COA1: variants seen among roughly 807,000 people sequenced by gnomAD.
COA1 encodes the protein cytochrome c oxidase assembly factor 1 homolog.
Under a neutral mutation model 16.0 loss-of-function variants are expected in COA1, and 13 were observed. That is an observed-to-expected ratio of 0.81 (90% confidence interval 0.53 to 1.29). COA1 has a LOEUF of 1.29. Ranked by LOEUF, COA1 falls within the 50% of genes most tolerant of loss-of-function variation. The pLI, the probability that COA1 is intolerant of heterozygous loss-of-function variation, is 0.00. For missense variants in COA1, 179 were observed against 177.0 expected, an observed-to-expected ratio of 1.01 and a Z score of -0.06; for synonymous variants, 65 against 65.7, an observed-to-expected ratio of 0.99 and a Z score of 0.05.
intron 1 of COA1, among the ~76,000 whole-genome samples, chr7:43,669,773 A>T (rs945647955): frequency 0.04 from 306 of 7,560 alleles, 5 homozygotes; most frequent in South Asian, 0.34. Flanking sequence ...AAAAAAATTA[A>T]AAAAAAAAAA....
At position 43,642,549 on chromosome 7, in the gene COA1, C is replaced by T. The variant is rs191870441; in HGVS notation, c.265-1900G>A. 2.6e-5 allele frequency among the ~76,000 whole-genome samples: 4 copies of T among 152,272 alleles called. No individual in the cohort carries two copies. In the East Asian group the frequency reaches 7.7e-4, roughly 29 times the overall value. On this transcript the variant is annotated intron_variant, in intron 4 of 5. Transcript: ENST00000223336. ...TTATAGAATTAAGCAACAGAGTATA[C>T]ACTGAGCATCTCTGGATGCTTTAAA...
chr7:43,712,662 G>A (rs1284948292), intron 1 of COA1, among the ~76,000 whole-genome samples: 2 of 152,084 alleles, frequency 1.3e-5, no homozygotes, highest in African/African-American at 2.4e-5. Flanking sequence ...ACTGTTGGTC[G>A]TTTTCTTGAA....
At chr7:43,677,598 A>C (rs1316168780) in intron 1 of COA1, among the ~76,000 whole-genome samples, 1 of 152,128 alleles carries the variant, frequency 6.6e-6, no homozygotes, top group East Asian at 1.9e-4. Context: ...CAGGAGTTCG[A>C]AATCAGCCTG....
At chr7:43,678,551 T>G (rs1294699614) in intron 1 of COA1, among the ~76,000 whole-genome samples, 1 of 152,142 alleles carries the variant, frequency 6.6e-6, no homozygotes, top group African/African-American at 2.4e-5. Context: ...GAAAAAATAT[T>G]TGCAACTCAC....
chr7:43,702,831 G>T (rs2094805227), intron 1 of COA1, among the ~76,000 whole-genome samples: 1 of 152,048 alleles, frequency 6.6e-6, no homozygotes, highest in Admixed American at 6.6e-5. Flanking sequence ...CTTTTGTATG[G>T]ATTTTCATGT....
At chr7:43,637,346 C>T (rs536944562), downstream of COA1, among the ~76,000 whole-genome samples, 84 of 152,322 alleles carry the variant, frequency 5.5e-4, no homozygotes, top group African/African-American at 1.8e-3. Context: ...ATAGGAGTCA[C>T]GCTACCATTT....
intron 1 of COA1, among the ~76,000 whole-genome samples, chr7:43,712,077 TTTC>T (rs2095267707): frequency 1.3e-5 from 2 of 152,084 alleles, no homozygotes; most frequent in South Asian, 2.1e-4. Context: ...TTGCTTTTCT[TTTC>T]TTCTTTTGTT....
chr7:43,711,181 C>T (rs1563452719), intron 1 of COA1, among the ~76,000 whole-genome samples: 1 of 151,798 alleles, frequency 6.6e-6, no homozygotes, highest in Non-Finnish European at 1.5e-5. Flanking sequence ...ATTAAAGGCT[C>T]ATGAAAAAAT....
At chr7:43,630,513 T>G (rs1002039774) in intron 6 of COA1, among the ~76,000 whole-genome samples, 2 of 152,140 alleles carry the variant, frequency 1.3e-5, no homozygotes, top group African/African-American at 4.8e-5. Context: ...TGGGAAGAGA[T>G]ATGTTTAATC....
chr7:43,726,867 C>T (rs927295058), intron 1 of COA1, among the ~76,000 whole-genome samples: 1 of 152,122 alleles, frequency 6.6e-6, no homozygotes, highest in African/African-American at 2.4e-5. Context: ...TAAAAATGGG[C>T]AGAGGATCTG....
chr7:43,638,573 T>C (rs1197472276), downstream of COA1, among the ~76,000 whole-genome samples: 1 of 19,872 alleles, frequency 5.0e-5, no homozygotes, highest in Non-Finnish European at 1.1e-4. Context: ...TTCCTTTTTT[T>C]TTTTTTTTTT....
At chr7:43,638,119 A>C (rs570971148), downstream of COA1, among the ~76,000 whole-genome samples, 12 of 152,344 alleles carry the variant, frequency 7.9e-5, no homozygotes, top group South Asian at 2.5e-3. Context: ...TTCACTGTAT[A>C]ATCTACTCAA....
exon 7 of COA1, chr7:43,608,676 G>T: frequency 8.0e-6 from 2 of 248,516 alleles, no homozygotes; most frequent in South Asian, 1.3e-4. Context: ...TGAAAAGTTA[G>T]GATTTAGATA....
chr7:43,610,116 G>T (rs1466664613), intron 6 of COA1, among the ~76,000 whole-genome samples: 1 of 150,650 alleles, frequency 6.6e-6, no homozygotes, highest in African/African-American at 2.4e-5. Context: ...GGAGGCCGAG[G>T]TGGGCGGATC....
Position 43,624,788 on chromosome 7 carries a change from A to G in COA1, c.*133+14661T>C. On this transcript the variant is annotated intron_variant and NMD_transcript_variant, in intron 6 of 6. Transcript: ENST00000415076. ...TGGAGCAAAAGGCCATTTCCAAACG[A>G]TTTAAATTTGAGGAACCTTTGCTAC... The G allele has an allele frequency of 2.5e-6, 4 of 1,610,792 alleles. 1 individual carries two copies. In the Admixed American group the frequency reaches 6.7e-5, roughly 27 times the overall value.
chr7:43,619,566 T>C (rs2083665638), intron 6 of COA1: 1 of 1,607,142 alleles, frequency 6.2e-7, no homozygotes, highest in East Asian at 2.2e-5. Flanking sequence ...CATAGTTATA[T>C]TGATTTTTGC....
chr7:43,617,617 T>C (rs1275136538), intron 6 of COA1, among the ~76,000 whole-genome samples: 5 of 152,050 alleles, frequency 3.3e-5, no homozygotes, highest in African/African-American at 1.2e-4. Context: ...TAGGAGTCTG[T>C]TTTTGGTCAT....
intron 1 of COA1, among the ~76,000 whole-genome samples, chr7:43,660,443 C>T (rs1428229201): frequency 1.3e-5 from 2 of 152,162 alleles, no homozygotes; most frequent in African/African-American, 4.8e-5. Context: ...ACAAAAGTGG[C>T]TTCCATATGT....
At chr7:43,668,571 T>A (rs967431224) in intron 1 of COA1, among the ~76,000 whole-genome samples, 5 of 152,234 alleles carry the variant, frequency 3.3e-5, no homozygotes, top group Admixed American at 1.3e-4. Flanking sequence ...AGTCTAATTG[T>A]TTTTAAGCTT....
Sources: allele counts gnomAD v4.1 joint callset (sites outside exome capture counted in the v4.1 genomes callset), GRCh38; gene constraint gnomAD v4.1.1; transcripts MANE v1.5; gene names NCBI Gene and HGNC (gene_info 2026-07-23, HGNC 2026-07-21).